CTNNA3: variants seen among roughly 807,000 people sequenced by gnomAD.
The protein encoded by CTNNA3 is catenin alpha 3, also known as catenin alpha-3.
In CTNNA3, 76 loss-of-function variants were observed where a neutral mutation model predicts 95.7. That is an observed-to-expected ratio of 0.79 (90% CI 0.66 to 0.96). The LOEUF (loss-of-function observed/expected upper bound fraction) is 0.96. CTNNA3 is among the 40% of genes least tolerant of loss of function. The probability of loss-of-function intolerance (pLI) is 0.00; values close to 1 mark genes in which losing one functional copy is unlikely to be tolerated. For synonymous variants in CTNNA3, 431 were observed against 374.4 expected (o/e 1.15, Z -1.74); for missense variants, 1,191 against 1,089.8 (o/e 1.09, Z -1.31).
chr10:67,106,875 A>G (rs931045649), intron 7 of CTNNA3, among the ~76,000 whole-genome samples: 3 of 152,210 alleles, frequency 2.0e-5, no homozygotes, highest in South Asian at 4.1e-4. Context: ...TTAGAGATAC[A>G]TGAGTATATG....
At chr10:66,168,211 TGTCACAAATG>T (rs1329972499) in intron 13 of CTNNA3, among the ~76,000 whole-genome samples, 1 of 152,190 alleles carries the variant, frequency 6.6e-6, no homozygotes, top group Non-Finnish European at 1.5e-5. Context: ...TCTTATATTG[TGTCACAAATG>T]GAAACTCCCC....
At chr10:66,666,725 A>G (rs1238925336) in intron 9 of CTNNA3, among the ~76,000 whole-genome samples, 1 of 152,060 alleles carries the variant, frequency 6.6e-6, no homozygotes, top group African/African-American at 2.4e-5. Context: ...TTTCTAGAAT[A>G]TTCTCTATTA....
At chr10:67,285,629 A>G (rs1298197510) in intron 5 of CTNNA3, among the ~76,000 whole-genome samples, 2 of 152,264 alleles carry the variant, frequency 1.3e-5, no homozygotes, top group African/African-American at 4.8e-5. Context: ...CTTGTTTTGT[A>G]AACAGGAAAG....
At chr10:67,212,288 C>T (rs1864171037) in intron 6 of CTNNA3, among the ~76,000 whole-genome samples, 1 of 151,908 alleles carries the variant, frequency 6.6e-6, no homozygotes, top group Non-Finnish European at 1.5e-5. Flanking sequence ...TCTTTCTCCC[C>T]ACTCCTCCAC....
At chr10:66,033,372 T>C (rs1304549436) in intron 15 of CTNNA3, among the ~76,000 whole-genome samples, 1 of 151,976 alleles carries the variant, frequency 6.6e-6, no homozygotes, top group Non-Finnish European at 1.5e-5. Context: ...CCTGACCTCG[T>C]GGTCTGCCCG....
intron 7 of CTNNA3, among the ~76,000 whole-genome samples, chr10:67,078,432 A>G (rs2131870145): frequency 1.3e-5 from 2 of 152,354 alleles, no homozygotes; most frequent in African/African-American, 4.8e-5. Flanking sequence ...AGAGGGACCA[A>G]CAAAATGTTA....
At chr10:67,141,424 C>T (rs954629230) in intron 7 of CTNNA3, among the ~76,000 whole-genome samples, 2 of 152,154 alleles carry the variant, frequency 1.3e-5, no homozygotes, top group African/African-American at 4.8e-5. Flanking sequence ...CGACGTCATT[C>T]TCCTAAGCCC....
intron 7 of CTNNA3, among the ~76,000 whole-genome samples, chr10:67,149,533 C>G (rs1188362983): frequency 6.6e-6 from 1 of 152,014 alleles, no homozygotes; most frequent in Non-Finnish European, 1.5e-5. Context: ...TGCAGTGAGC[C>G]GAGATTGCGC....
intron 7 of CTNNA3, among the ~76,000 whole-genome samples, chr10:67,148,794 A>C (rs769906584): frequency 2.0e-5 from 3 of 152,248 alleles, no homozygotes; most frequent in African/African-American, 4.8e-5. Context: ...GCTTGCAGTA[A>C]GCATTACTGC....
intron 3 of CTNNA3, among the ~76,000 whole-genome samples, chr10:67,560,186 T>C (rs1226374230): frequency 9.2e-5 from 14 of 152,016 alleles, no homozygotes; most frequent in South Asian, 8.3e-4. Flanking sequence ...ACATAATTGT[T>C]AGATTCACCA....
At chr10:67,047,794 C>T (rs1386850630) in intron 7 of CTNNA3, among the ~76,000 whole-genome samples, 1 of 152,036 alleles carries the variant, frequency 6.6e-6, no homozygotes, top group African/African-American at 2.4e-5. Context: ...TCCCCTTATT[C>T]CTTATTCCAT....
chr10:67,603,625 A>C lies in CTNNA3; in HGVS notation c.292+3232T>G, dbSNP rs181516964. On this transcript the variant is annotated intron_variant, in intron 3 of 17. Transcript: ENST00000433211. ...ACCGTAAAAAAAAAAATAATTAAAA[A>C]TGTAAAAAAGAAAAAAACTTATAGA... 3.4e-3 allele frequency among the ~76,000 whole-genome samples: 516 copies of C among 152,188 alleles called. 1 individual carries two copies. The highest frequency in any genetic ancestry group is 6.8e-3 in the Middle Eastern group (2 of 294).
intron 4 of CTNNA3, among the ~76,000 whole-genome samples, chr10:67,522,287 G>A (rs1034794640): frequency 6.6e-6 from 1 of 152,108 alleles, no homozygotes; most frequent in Non-Finnish European, 1.5e-5. Flanking sequence ...TTTTTAGAAA[G>A]CACTGTGAAT....
At chr10:66,021,383 C>T (rs1459827095) in intron 15 of CTNNA3, among the ~76,000 whole-genome samples, 1 of 152,090 alleles carries the variant, frequency 6.6e-6, no homozygotes, top group Non-Finnish European at 1.5e-5. Context: ...GAAATTGTAA[C>T]TACTATCAGG....
intron 7 of CTNNA3, among the ~76,000 whole-genome samples, chr10:67,009,992 C>T (rs1430627079): frequency 6.6e-6 from 1 of 152,140 alleles, no homozygotes; most frequent in East Asian, 1.9e-4. Context: ...CTTCAGCTAC[C>T]TGTCCTGGAG....
chr10:67,124,290 C>A (rs898180641), intron 7 of CTNNA3, among the ~76,000 whole-genome samples: 1 of 150,738 alleles, frequency 6.6e-6, no homozygotes, highest in African/African-American at 2.4e-5. Context: ...CTTCTCGCTT[C>A]CTCTAGTTCT....
chr10:66,738,378 C>T lies in CTNNA3; in HGVS notation c.1281+27886G>A, dbSNP rs1052318701. ...AATACTTTTATCAGTTTGATGTATT[C>T]TTTCTAATTTTCCTTCTCATCCCAT... On this transcript the variant is annotated intron_variant, in intron 9 of 17. Transcript: ENST00000433211. Among the ~76,000 whole-genome samples the T allele has an allele frequency of 8.5e-5, 13 of 152,214 alleles. No homozygotes were observed. In the South Asian group the frequency reaches 1.2e-3, roughly 15 times the overall value.
chr10:67,303,483 C>T (rs376877353), intron 5 of CTNNA3, among the ~76,000 whole-genome samples: 38 of 152,168 alleles, frequency 2.5e-4, no homozygotes, highest in East Asian at 1.9e-3. Flanking sequence ...AGAGGAGATC[C>T]GGCATGCAGG....
At chr10:66,865,650 A>C (rs1375298929) in intron 7 of CTNNA3, among the ~76,000 whole-genome samples, 2 of 152,160 alleles carry the variant, frequency 1.3e-5, no homozygotes, top group African/African-American at 2.4e-5. Context: ...AATGGAAAAA[A>C]TCACAGAAGA....
Sources: gnomAD v4.1 joint callset for allele counts (sites outside exome capture counted in the v4.1 genomes callset) on GRCh38, gnomAD v4.1.1 for gene constraint, MANE v1.5 for transcripts, NCBI Gene and HGNC (gene_info 2026-07-23, HGNC 2026-07-21) for gene names.